The following MYO18A variants were observed in gnomAD, a reference collection of about 807,000 sequenced individuals.
MYO18A encodes unconventional myosin-XVIIIa.
MYO18A carries 78 observed loss-of-function variants against 235.8 expected under a neutral mutation model. The observed-to-expected ratio is 0.33, with a 90% CI of 0.28 to 0.40. The LOEUF (loss-of-function observed/expected upper bound fraction) is 0.40. MYO18A is among the 10% of genes least tolerant of loss of function. The pLI is 1.00. For synonymous variants in MYO18A, 977 were observed against 1,077.8 expected, an observed-to-expected ratio of 0.91 and a Z score of 1.83; for missense variants, 2,215 against 2,699.3, an observed-to-expected ratio of 0.82 and a Z score of 3.98.
intron 2 of MYO18A, among the ~76,000 whole-genome samples, chr17:29,162,588 G>C (rs7211171): frequency 4.8e-4 from 73 of 152,290 alleles, no homozygotes; most frequent in African/African-American, 1.7e-3. Context: ...TGGCCCCTGT[G>C]GTTGAGCTTC....
Position 29,103,642 on chromosome 17 carries a change from C to A in MYO18A, c.3464G>T (p.Cys1155Phe). ...GCAGCTGCTCTTCTCCAGATCCAAGCACTCCAGCAGCTCCTCCACTGCCTG... is the reference window on the plus strand; with the variant it reads ...GCAGCTGCTCTTCTCCAGATCCAAGAACTCCAGCAGCTCCTCCACTGCCTG... The part of the protein sequence containing the change: ...ERRAVEELLE[C>F]LDLEKSSCCM... The change falls in exon 21 of 42, where the codon TGC becomes TTC. Residue 1155 changes from cysteine (C) to phenylalanine (F), a missense_variant. By Grantham distance (205) the Cys-to-Phe change is radical. Coordinates refer to ENST00000527372, the MANE Select transcript of MYO18A (RefSeq NM_078471.4). 1 of 1,613,868 alleles carries A rather than the reference C, an allele frequency of 6.2e-7. No homozygotes were observed. The highest frequency in any genetic ancestry group is 2.2e-5 in the East Asian group (1 of 44,878).
At chr17:29,113,955 G>A in intron 15 of MYO18A, 56 bp downstream of exon 15, 5 of 1,390,932 alleles carry the variant, frequency 3.6e-6, no homozygotes, top group Non-Finnish European at 5.0e-6. Flanking sequence ...CCACCACGGG[G>A]AGAGGGGTGG....
intron 40 of MYO18A, among the ~76,000 whole-genome samples, chr17:29,083,469 A>T (rs896318534): frequency 6.7e-6 from 1 of 148,342 alleles, no homozygotes; most frequent in Non-Finnish European, 1.5e-5. Flanking sequence ...GTCAAGAGGA[A>T]TGGCTCCATT....
intron 41 of MYO18A, among the ~76,000 whole-genome samples, chr17:29,079,080 G>C (rs1291549582): frequency 6.6e-6 from 1 of 152,186 alleles, no homozygotes; most frequent in African/African-American, 2.4e-5. Flanking sequence ...AGGGGAGGGA[G>C]AGCTAAGCAA....
Position 29,120,826 on chromosome 17 carries a change from C to T in MYO18A, c.1586-68G>A. ...CAGCTTATCCCCCAGCTAGGAGCTA[C>T]CCCAGAGGTATGAAGGCTTGGGGCC... On this transcript the variant is annotated intron_variant, in intron 6 of 41. Coordinates refer to ENST00000527372, the MANE Select transcript of MYO18A (RefSeq NM_078471.4). This position sits in a 1 kb window ranked among gnomAD's most constrained non-coding sequence, Gnocchi z 4.2. The T allele has an allele frequency of 6.3e-7, 1 of 1,580,968 alleles. No individual in the cohort carries two copies. Among genetic ancestry groups the T allele is most frequent in the Non-Finnish European group, 8.6e-7 (1 of 1,162,070 alleles).
At chr17:29,102,515 C>G (rs1310801281) in intron 21 of MYO18A, among the ~76,000 whole-genome samples, 1 of 152,112 alleles carries the variant, frequency 6.6e-6, no homozygotes, top group African/African-American at 2.4e-5. Flanking sequence ...CAGAGGTAGA[C>G]AAAGCAGTGA....
At chr17:29,135,965 C>T (rs1472196866) in intron 2 of MYO18A, among the ~76,000 whole-genome samples, 5 of 152,172 alleles carry the variant, frequency 3.3e-5, no homozygotes, top group African/African-American at 7.2e-5. Flanking sequence ...TGGTGGCTCA[C>T]GCCTGTAATC....
In MYO18A at chr17:29,106,064, G is replaced by A. The variant is rs1381821380; in HGVS notation, c.3441+1016C>T. Among the ~76,000 whole-genome samples the A allele has an allele frequency of 6.6e-6, 1 of 152,214 alleles. No homozygotes were observed. The highest frequency in any genetic ancestry group is 1.5e-5 in the Non-Finnish European group (1 of 68,048). On this transcript the variant is annotated intron_variant, in intron 20 of 41. Transcript: ENST00000527372. This position sits in a 1 kb window ranked among gnomAD's most constrained non-coding sequence, Gnocchi z 4.6. ...ATCCAGAAAGAGAGGTTCTGATGGA[G>A]CCAGAGAGCGGGTGTCCTGAGGGGA...
intron 1 of MYO18A, among the ~76,000 whole-genome samples, chr17:29,168,701 C>T (rs77548565): frequency 0.036 from 5,542 of 152,242 alleles, 302 homozygotes; most frequent in African/African-American, 0.12. Context: ...TCCCAAAGGC[C>T]GTAGTGCAAT....
At chr17:29,090,249 G>A in intron 36 of MYO18A, 151 bp from the exon 37 acceptor site, 1 of 886,922 alleles carries the variant, frequency 1.1e-6, no homozygotes, top group Non-Finnish European at 1.7e-6. Context: ...TGGGCCAGAG[G>A]CCTCCCCCAT....
At position 29,140,248 on chromosome 17, in the gene MYO18A, G is replaced by T; in HGVS notation, c.1000-17995C>A. 1.1e-6 allele frequency: 1 copy of T among 947,940 alleles called. No homozygotes were observed. Among genetic ancestry groups the T allele is most frequent in the Non-Finnish European group, 1.4e-6 (1 of 732,966 alleles). 58.7% of individuals were successfully genotyped at this position (947,940 alleles called of 1,614,324 possible). A position where few individuals can be genotyped will look rare whatever the true frequency, so the allele number is the denominator to read the frequency against. On this transcript the variant is annotated intron_variant, in intron 2 of 41. Coordinates refer to ENST00000527372, the MANE Select transcript of MYO18A (RefSeq NM_078471.4). This position sits in a 1 kb window ranked among gnomAD's most constrained non-coding sequence, Gnocchi z 4.2. ...CCCACCTACTTCAGCCACATCTGGG[G>T]AAATCACAAAAAGGTCCCTCCTTTC...
At chr17:29,123,296 G>T (rs964819786) in intron 2 of MYO18A, among the ~76,000 whole-genome samples, 39 of 152,192 alleles carry the variant, frequency 2.6e-4, no homozygotes, top group African/African-American at 8.9e-4. Flanking sequence ...CCGTGCCCCG[G>T]GTGGGGGATG....
intron 1 of MYO18A, among the ~76,000 whole-genome samples, chr17:29,177,519 G>A (rs986114458): frequency 6.6e-6 from 1 of 152,076 alleles, no homozygotes; most frequent in Non-Finnish European, 1.5e-5. Context: ...TCCTACCTCG[G>A]CACCTCCCCA....
At chr17:29,098,492 G>A (rs1312717107) in intron 23 of MYO18A, 47 bp from the exon 24 acceptor site, 10 of 1,604,200 alleles carry the variant, frequency 6.2e-6, no homozygotes, top group Non-Finnish European at 8.5e-6. Flanking sequence ...CACTGCGAGG[G>A]ATTGGGGCCC....
Position 29,073,810 on chromosome 17 carries a change from C to A in MYO18A, c.*960G>T, listed in dbSNP as rs1172084521. On this transcript the variant is annotated 3_prime_UTR_variant, in exon 42 of 42. Coordinates refer to ENST00000527372, the MANE Select transcript of MYO18A (RefSeq NM_078471.4). ...AGTGAGGACTCATGTCTAATGAGCACCGGCCAAAACTTCCATCTTCAGTTT... is the reference window on the plus strand; with the variant it reads ...AGTGAGGACTCATGTCTAATGAGCAACGGCCAAAACTTCCATCTTCAGTTT... 1 of 1,547,606 alleles carries A rather than the reference C, an allele frequency of 6.5e-7. No individual in the cohort carries two copies. Among genetic ancestry groups the A allele is most frequent in the African/African-American group, 1.4e-5 (1 of 73,668 alleles).
chr17:29,110,481 C>T lies in MYO18A; in HGVS notation c.3042G>A (p.Ala1014=), dbSNP rs759304856. 28 of 1,599,190 alleles carry T rather than the reference C, an allele frequency of 1.8e-5. No individual in the cohort carries two copies. The highest frequency in any genetic ancestry group is 3.3e-4 in the Middle Eastern group (2 of 6,068). ...SMRKTFTTGM[A]AVKKKSLCIQ... Reference sequence around the variant, plus strand: ...TGCACAGTGACTTCTTTTTGACAGCCGCCATGCCTGTGGTAAAGGTTTTCC... The same window carrying T: ...TGCACAGTGACTTCTTTTTGACAGCTGCCATGCCTGTGGTAAAGGTTTTCC... Residue 1014 remains alanine (A), a synonymous_variant, in exon 18 of 42, where the codon GCG becomes GCA. Transcript: ENST00000527372.
At chr17:29,146,250 T>TCG in intron 2 of MYO18A, among the ~76,000 whole-genome samples, 2 of 148,434 alleles carry the variant, frequency 1.3e-5, no homozygotes, top group South Asian at 4.3e-4. Flanking sequence ...AGAGAGAGAC[T>TCG]CCATCTCAAA....
intron 2 of MYO18A, among the ~76,000 whole-genome samples, chr17:29,146,837 C>A (rs1316282907): frequency 2.0e-5 from 3 of 152,204 alleles, no homozygotes; most frequent in Non-Finnish European, 4.4e-5. Flanking sequence ...CTGGTGACAA[C>A]ACATATCTTC....
At chr17:29,099,420 T>A (rs1370158595) in intron 22 of MYO18A, among the ~76,000 whole-genome samples, 1 of 152,014 alleles carries the variant, frequency 6.6e-6, no homozygotes, top group East Asian at 1.9e-4. Context: ...GGGCCCTGAT[T>A]CCCCTACCCC....
Sources: gnomAD v4.1 joint callset for allele counts (sites outside exome capture counted in the v4.1 genomes callset) on GRCh38, gnomAD v4.1.1 for gene constraint, Gnocchi (gnomAD v3.1) non-coding constraint, MANE v1.5 for transcripts, NCBI Gene and HGNC (gene_info 2026-07-23, HGNC 2026-07-21) for gene names.